The following XRN1 variants were observed in gnomAD, a reference collection of about 807,000 sequenced individuals.
XRN1 encodes 5'-3' exoribonuclease 1.
In XRN1, 67 loss-of-function variants were observed where a neutral mutation model predicts 222.3. The ratio of observed to expected loss-of-function variants is 0.30; its 90% CI spans 0.25 to 0.37. XRN1 has a LOEUF of 0.37. Ranked by LOEUF, XRN1 falls within the 10% of genes least tolerant of loss-of-function variation. The pLI is 1.00. For missense variants in XRN1, 1,707 were observed against 2,000.2 expected (o/e 0.85, Z 2.80); for synonymous variants, 643 against 652.4 (o/e 0.99, Z 0.22).
intron 24 of XRN1, 31 bp from the exon 25 acceptor site, chr3:142,375,975 C>T: frequency 3.1e-6 from 2 of 644,652 alleles, no homozygotes; most frequent in South Asian, 2.7e-5. Flanking sequence ...CGCACACGTG[C>T]ACACACACAC....
At chr3:142,433,230 T>C (rs1179084634) in intron 1 of XRN1, among the ~76,000 whole-genome samples, 1 of 152,168 alleles carries the variant, frequency 6.6e-6, no homozygotes, top group Non-Finnish European at 1.5e-5. Flanking sequence ...CCATTTGACA[T>C]TAACTCCTCA....
At chr3:142,324,616 T>C (rs977611732) in intron 37 of XRN1, among the ~76,000 whole-genome samples, 111 of 59,662 alleles carry the variant, frequency 1.9e-3, no homozygotes, top group African/African-American at 4.9e-3. Context: ...TACCCAGTAA[T>C]GGGATGGCTG....
chr3:142,348,162 T>C (rs2066202716), intron 32 of XRN1, among the ~76,000 whole-genome samples: 2 of 152,128 alleles, frequency 1.3e-5, no homozygotes, highest in South Asian at 4.1e-4. Flanking sequence ...TCATTCTATT[T>C]ACTTGATGTC....
chr3:142,415,384 G>A (rs1171453616), intron 13 of XRN1, among the ~76,000 whole-genome samples: 1 of 152,192 alleles, frequency 6.6e-6, no homozygotes, highest in African/African-American at 2.4e-5. Flanking sequence ...TAGAAAAAGG[G>A]TAGACTTTGG....
chr3:142,412,685 T>C, intron 14 of XRN1, 22 bp from the exon 15 acceptor site: 6 of 1,477,740 alleles, frequency 4.1e-6, no homozygotes, highest in Non-Finnish European at 5.5e-6. Context: ...TGAAATAGTA[T>C]AATAGAAATA....
At chr3:142,333,128 T>TA in intron 34 of XRN1, 39 bp from the exon 35 acceptor site, 1 of 1,596,472 alleles carries the variant, frequency 6.3e-7, no homozygotes, top group Non-Finnish European at 8.5e-7. Flanking sequence ...GATGAACGTA[T>TA]AATACAAGAA....
chr3:142,384,420 T>C (rs528122765), intron 21 of XRN1, 103 bp downstream of exon 21: 1 of 864,602 alleles, frequency 1.2e-6, no homozygotes, highest in East Asian at 3.0e-5. Flanking sequence ...CTATTATACA[T>C]TGCTGAATTA....
chr3:142,425,657 C>T (rs1238337477), intron 3 of XRN1, 119 bp from the exon 4 acceptor site: 1 of 733,372 alleles, frequency 1.4e-6, no homozygotes. Flanking sequence ...ATAGGATCTC[C>T]AAAGAAGGTC....
rs577164108 is a variant in XRN1 at position 142,422,061 on chromosome 3, T to C, written c.968-518A>G. ...TTCTTAAGGAATTAAAGGCAAAGAT[T>C]AGACCGGGTGTGGTGGCTCATGCCT... On this transcript the variant is annotated intron_variant, in intron 8 of 40. Coordinates refer to ENST00000392981, the MANE Select transcript of XRN1 (RefSeq NM_001282857.2). 2.6e-5 allele frequency among the ~76,000 whole-genome samples: 4 copies of C among 152,272 alleles called. No homozygotes were observed. In the South Asian group the frequency reaches 8.3e-4, roughly 32 times the overall value.
intron 5 of XRN1, 39 bp downstream of exon 5, chr3:142,425,183 A>G (rs775420776): frequency 7.4e-7 from 1 of 1,358,070 alleles, no homozygotes; most frequent in Non-Finnish European, 9.9e-7. Flanking sequence ...ATATTTAACT[A>G]TCAATGCATA....
chr3:142,333,692 T>A (rs753422355), intron 34 of XRN1, among the ~76,000 whole-genome samples: 34 of 152,160 alleles, frequency 2.2e-4, no homozygotes, highest in Admixed American at 4.6e-4. Context: ...TAAGTTTAGA[T>A]GAGGTCTTTA....
At position 142,426,837 on chromosome 3, in the gene XRN1, C is replaced by A; in HGVS notation, c.313G>T (p.Ala105Ser). ...NQQRGRRFRS[A>S]KEAEDKIKKA... ...TTAATTTTGTCTTCTGCCTCCTTTG[C>A]TGACCTTAAAGGTTAAGGGAAAAAA... Residue 105 changes from alanine (A) to serine (S), a missense_variant, in exon 3 of 41, where the codon GCA becomes TCA. Ala to Ser is a moderately conservative substitution (Grantham distance 99). Coordinates refer to ENST00000392981, the MANE Select transcript of XRN1 (RefSeq NM_001282857.2). 1 of 1,612,986 alleles carries A rather than the reference C, an allele frequency of 6.2e-7. No individual in the cohort carries two copies. Among genetic ancestry groups the A allele is most frequent in the Non-Finnish European group, 8.5e-7 (1 of 1,179,758 alleles).
intron 15 of XRN1, among the ~76,000 whole-genome samples, chr3:142,410,492 T>G (rs942380787): frequency 3.9e-5 from 5 of 129,456 alleles, no homozygotes; most frequent in Admixed American, 7.6e-5. Context: ...CTCATGTTTT[T>G]TTTTTTTTTT....
chr3:142,447,521 A>T lies in XRN1; in HGVS notation c.75+349T>A, dbSNP rs1241500529. On this transcript the variant is annotated intron_variant, in intron 1 of 40. Transcript: ENST00000392981. This position sits in a 1 kb window ranked among gnomAD's most constrained non-coding sequence, Gnocchi z 4.2. ...ACGAGGACACCCACTCCAGCTTCGC[A>T]GCCTCTGTAAGGAAAAAGGCAACTT... is the stretch of plus-strand genomic sequence containing the variant. Among the ~76,000 whole-genome samples the T allele has an allele frequency of 2.6e-5, 4 of 152,202 alleles. No individual in the cohort carries two copies. The highest frequency in any genetic ancestry group is 9.7e-5 in the African/African-American group (4 of 41,446).
Position 142,447,850 on chromosome 3 carries a change from G to T in XRN1, c.75+20C>A. 1 of 1,612,552 alleles carries T rather than the reference G, an allele frequency of 6.2e-7. No homozygotes were observed. The highest frequency in any genetic ancestry group is 8.5e-7 in the Non-Finnish European group (1 of 1,179,682). On this transcript the variant is annotated intron_variant, in intron 1 of 40. Transcript: ENST00000392981. This position sits in a 1 kb window ranked among gnomAD's most constrained non-coding sequence, Gnocchi z 4.2. The stretch of plus-strand genomic sequence containing the variant: ...CCCCGGGTCCTCGGCTTTCTGAGCC[G>T]TTGCCCCTCGCTCACCCACCTGATG...
Position 142,422,828 on chromosome 3 carries a change from T to C in XRN1, c.798+7A>G, listed in dbSNP as rs758335914. 5.0e-6 allele frequency: 8 copies of C among 1,602,678 alleles called. No homozygotes were observed. Among genetic ancestry groups the C allele is most frequent in the South Asian group, 1.1e-5 (1 of 89,720 alleles). On this transcript the variant is annotated splice_region_variant and intron_variant, in intron 7 of 40. Coordinates refer to ENST00000392981, the MANE Select transcript of XRN1 (RefSeq NM_001282857.2). ...AATCCTTGGTCCATGGCTTTATTAA[T>C]ACTTACTTTTAATACTGAAAACTCA...
chr3:142,429,878 G>C (rs1483299753), intron 2 of XRN1: 1 of 152,218 alleles, frequency 6.6e-6, no homozygotes, highest in Non-Finnish European at 1.5e-5. Flanking sequence ...CAATGGTAAA[G>C]AAGATCCCAG....
At chr3:142,318,266 TCTA>T (rs1264346296) in intron 39 of XRN1, among the ~76,000 whole-genome samples, 9 of 152,074 alleles carry the variant, frequency 5.9e-5, no homozygotes, top group Admixed American at 5.9e-4. Flanking sequence ...TTGGACATAG[TCTA>T]CTACCAATAA....
intron 2 of XRN1, among the ~76,000 whole-genome samples, chr3:142,432,275 C>T (rs943710833): frequency 2.7e-4 from 33 of 122,358 alleles, no homozygotes; most frequent in Admixed American, 7.5e-4. Context: ...AAAAAATTAG[C>T]TGGGTCCGGT....
Sources: gnomAD v4.1 joint callset for allele counts (sites outside exome capture counted in the v4.1 genomes callset) on GRCh38, gnomAD v4.1.1 for gene constraint, Gnocchi (gnomAD v3.1) non-coding constraint, MANE v1.5 for transcripts, NCBI Gene and HGNC (gene_info 2026-07-23, HGNC 2026-07-21) for gene names.